The following TARS3 variants were observed in gnomAD, a reference collection of about 807,000 sequenced individuals.
The protein encoded by TARS3 is threonine--tRNA ligase 2, cytoplasmic.
A neutral mutation model predicts 103.5 loss-of-function variants in TARS3; 94 were observed. The ratio of observed to expected loss-of-function variants is 0.91; its 90% CI spans 0.77 to 1.08. The LOEUF (loss-of-function observed/expected upper bound fraction) is 1.08, where lower values mean the gene tolerates loss of function less well. Among genes scored for constraint, TARS3 ranks in the 50% least tolerant of loss-of-function variants. TARS3 has a pLI of 0.00. For missense variants in TARS3, 952 were observed against 995.2 expected (o/e 0.96, Z 0.58); for synonymous variants, 416 against 355.4 (o/e 1.17, Z -1.92).
At chr15:101,658,639 G>A (rs529320794) in intron 16 of TARS3, among the ~76,000 whole-genome samples, 5 of 152,228 alleles carry the variant, frequency 3.3e-5, no homozygotes, top group East Asian at 1.9e-4. Context: ...CTAAATACAC[G>A]TTCACACAAA....
chr15:101,720,674 T>C (rs1055560808), intron 3 of TARS3, among the ~76,000 whole-genome samples: 2 of 152,214 alleles, frequency 1.3e-5, no homozygotes, highest in Non-Finnish European at 2.9e-5. Flanking sequence ...TTAGCTGATA[T>C]GGTTTGGCTG....
chr15:101,693,352 A>G (rs1049234088), intron 10 of TARS3, among the ~76,000 whole-genome samples: 2 of 151,780 alleles, frequency 1.3e-5, no homozygotes, highest in Non-Finnish European at 2.9e-5. Flanking sequence ...GTGCGGGGGA[A>G]CTCCCTTTTA....
chr15:101,688,426 A>G (rs1466926618), intron 10 of TARS3, among the ~76,000 whole-genome samples: 1 of 152,170 alleles, frequency 6.6e-6, no homozygotes, highest in Non-Finnish European at 1.5e-5. Context: ...AGAAATCCAG[A>G]TAACTTATCT....
chr15:101,701,250 A>T lies in TARS3; in HGVS notation c.1222-66T>A. On this transcript the variant is annotated intron_variant, in intron 9 of 18. Coordinates refer to ENST00000335968, the MANE Select transcript of TARS3 (RefSeq NM_152334.3). ...ATTGCTTAATATTTACTGCACACAC[A>T]TATAATACTCAGTTATTTCCATCTT... is the stretch of plus-strand genomic sequence containing the variant. 3.2e-6 allele frequency: 3 copies of T among 927,800 alleles called. No individual in the cohort carries two copies. The South Asian group carries it at 5.2e-5, about 16-fold the overall frequency. The allele number at this position is 927,800 out of a possible 1,614,324, so 57.5% of individuals were successfully genotyped here. A position where few individuals can be genotyped will look rare whatever the true frequency, so the allele number is the denominator to read the frequency against.
chr15:101,694,104 G>C (rs1898859323), intron 10 of TARS3, among the ~76,000 whole-genome samples: 1 of 152,164 alleles, frequency 6.6e-6, no homozygotes. Context: ...AAAATTCAAG[G>C]AGACTAACAA....
intron 13 of TARS3, among the ~76,000 whole-genome samples, chr15:101,672,971 G>T (rs936137000): frequency 6.6e-6 from 1 of 152,154 alleles, no homozygotes. Context: ...ATAAAGCAGG[G>T]GTCACTGCTG....
At chr15:101,688,473 A>C (rs1030824339) in intron 10 of TARS3, among the ~76,000 whole-genome samples, 2 of 152,176 alleles carry the variant, frequency 1.3e-5, no homozygotes, top group Non-Finnish European at 2.9e-5. Context: ...TGGAAATACC[A>C]GTTTAGGTTA....
At chr15:101,670,125 G>A (rs188540439) in intron 15 of TARS3, among the ~76,000 whole-genome samples, 1 of 152,274 alleles carries the variant, frequency 6.6e-6, no homozygotes, top group Admixed American at 6.5e-5. Context: ...TAGATATGAT[G>A]CCAAAGCATG....
At position 101,721,223 on chromosome 15, in the gene TARS3, C is replaced by T. The variant is rs745681053; in HGVS notation, c.469G>A (p.Asp157Asn). The change falls in exon 3 of 19, where the codon GAT becomes AAT. Residue 157 changes from aspartate (D) to asparagine (N), a missense_variant. Transcript: ENST00000335968. ...CTTACTGTGATGATGTTGCTTGTAT[C>T]CCCCTTTTTTCCATAAATGGCAAGT... ...LLLAIYGKKG[D>N]TSNIITVRVA... The T allele has an allele frequency of 2.5e-6, 4 of 1,614,020 alleles. No individual in the cohort carries two copies. The highest frequency in any genetic ancestry group is 1.3e-5 in the African/African-American group (1 of 75,028).
chr15:101,682,332 T>C (rs1459514018), intron 12 of TARS3, among the ~76,000 whole-genome samples: 1 of 152,188 alleles, frequency 6.6e-6, no homozygotes, highest in Non-Finnish European at 1.5e-5. Flanking sequence ...TTTTATGAGA[T>C]ATGGATGTAG....
chr15:101,665,396 A>C lies in TARS3; in HGVS notation c.1968-3580T>G, dbSNP rs540586391. 3.4e-4 allele frequency among the ~76,000 whole-genome samples: 52 copies of C among 152,360 alleles called. 1 individual carries two copies. Among genetic ancestry groups the C allele is most frequent in the South Asian group, 1.7e-3 (8 of 4,828 alleles). ...TTTTGTTTTTACTTTGCAAGAAAAT[A>C]AATTATATAACTTAAAAAATAAAAC... On this transcript the variant is annotated intron_variant, in intron 15 of 18. Transcript: ENST00000335968.
At chr15:101,676,332 T>C (rs951446757) in intron 12 of TARS3, among the ~76,000 whole-genome samples, 1 of 152,202 alleles carries the variant, frequency 6.6e-6, no homozygotes, top group Non-Finnish European at 1.5e-5. Flanking sequence ...TTTCACAGTA[T>C]GTGGAATGAA....
chr15:101,690,274 C>T (rs1279955060), intron 10 of TARS3, among the ~76,000 whole-genome samples: 1 of 152,198 alleles, frequency 6.6e-6, no homozygotes, highest in African/African-American at 2.4e-5. Context: ...GTGGGCTCCG[C>T]ACAAGGCTTA....
intron 10 of TARS3, among the ~76,000 whole-genome samples, chr15:101,686,292 T>C (rs1247293003): frequency 6.6e-6 from 1 of 151,200 alleles, no homozygotes; most frequent in African/African-American, 2.4e-5. Flanking sequence ...TAACAGTATA[T>C]AGTATATAAT....
At position 101,671,838 on chromosome 15, in the gene TARS3, C is replaced by T. The variant is rs142637595; in HGVS notation, c.1789-90G>A. The T allele has an allele frequency of 3.9e-6, 4 of 1,031,968 alleles. No homozygotes were observed. The East Asian group carries it at 7.6e-5, about 20-fold the overall frequency. The allele number at this position is 1,031,968 out of a possible 1,614,324, so 63.9% of individuals were successfully genotyped here. A position where few individuals can be genotyped will look rare whatever the true frequency, so the allele number is the denominator to read the frequency against. On this transcript the variant is annotated intron_variant, in intron 13 of 18. Transcript: ENST00000335968. ...CAAAAGTTACTATAACTCTTCATTA[C>T]AGTCTATGTTAGTTCAACATATATT...
intron 3 of TARS3, among the ~76,000 whole-genome samples, chr15:101,718,037 G>A (rs773497659): frequency 7.9e-5 from 12 of 152,162 alleles, no homozygotes; most frequent in South Asian, 2.1e-4. Flanking sequence ...CAAACCATGT[G>A]TCACAGTGCT....
chr15:101,704,463 G>T (rs534126460), intron 7 of TARS3, among the ~76,000 whole-genome samples: 4 of 151,892 alleles, frequency 2.6e-5, no homozygotes, highest in Non-Finnish European at 4.4e-5. Context: ...GACCAGCCTC[G>T]CCAACATAGT....
In TARS3 at chr15:101,661,850, C is replaced by T. The variant is rs186392140; in HGVS notation, c.1968-34G>A. 5.2e-4 allele frequency: 690 copies of T among 1,335,252 alleles called. 3 individuals are homozygous for T. The African/African-American group carries it at 9.3e-3, about 18-fold the overall frequency. 82.7% of individuals were successfully genotyped at this position (1,335,252 alleles called of 1,614,324 possible). On this transcript the variant is annotated intron_variant, in intron 15 of 18. Transcript: ENST00000335968. ...TGAAAATTATACATTTAAGTCTTTT[C>T]CTAAGATTCAATAACTATCTTCTAG...
chr15:101,700,017 G>C (rs1899180538), intron 10 of TARS3, among the ~76,000 whole-genome samples: 2 of 152,022 alleles, frequency 1.3e-5, no homozygotes, highest in Non-Finnish European at 2.9e-5. Flanking sequence ...GTTAATTCTG[G>C]AGTAGGACCA....
Sources: allele counts gnomAD v4.1 joint callset (sites outside exome capture counted in the v4.1 genomes callset), GRCh38; gene constraint gnomAD v4.1.1; transcripts MANE v1.5; gene names NCBI Gene and HGNC (gene_info 2026-07-23, HGNC 2026-07-21).